NPSR1: variants seen among roughly 807,000 people sequenced by gnomAD.
NPSR1 encodes the protein neuropeptide S receptor 1.
NPSR1 carries 48 observed loss-of-function variants against 46.9 expected under a neutral mutation model. That is an observed-to-expected ratio of 1.02 (90% CI 0.81 to 1.30). The LOEUF (loss-of-function observed/expected upper bound fraction) is 1.30. Ranked by LOEUF, NPSR1 falls within the 50% of genes most tolerant of loss-of-function variation. The pLI is 0.00. For missense variants in NPSR1, 450 were observed against 449.5 expected, an observed-to-expected ratio of 1.00 and a Z score of -0.01; for synonymous variants, 176 against 168.1, an observed-to-expected ratio of 1.05 and a Z score of -0.36.
At chr7:34,697,321 C>G (rs981737341) in intron 2 of NPSR1, among the ~76,000 whole-genome samples, 17 of 151,886 alleles carry the variant, frequency 1.1e-4, no homozygotes, top group Admixed American at 1.1e-3. Context: ...ATTTTAATGT[C>G]AAGGAGGTGT....
rs1584119711 is a variant in NPSR1 at position 34,834,096 on chromosome 7, T to C, written c.681-288T>C. The C allele has an allele frequency of 9.6e-6, 4 of 414,812 alleles. No homozygotes were observed. The East Asian group carries it at 1.7e-4, about 17-fold the overall frequency. 25.7% of individuals were successfully genotyped at this position (414,812 alleles called of 1,614,324 possible). ...TTTTTCTGACTCTAAGGCCTGTTTT[T>C]GGATTCTAATCACAGCTCTCCCTCA... On this transcript the variant is annotated intron_variant, in intron 5 of 8. Transcript: ENST00000360581.
At chr7:34,714,564 A>G (rs1261845114) in intron 2 of NPSR1, among the ~76,000 whole-genome samples, 1 of 152,232 alleles carries the variant, frequency 6.6e-6, no homozygotes, top group East Asian at 1.9e-4. Flanking sequence ...GAGCATCTAC[A>G]AAGCTCCCTC....
chr7:34,737,733 T>C (rs1583912092), intron 2 of NPSR1, among the ~76,000 whole-genome samples: 1 of 152,204 alleles, frequency 6.6e-6, no homozygotes, highest in South Asian at 2.1e-4. Context: ...CCTTCTCTTA[T>C]TTCTGACTTT....
At chr7:34,819,998 C>T (rs1789475951) in intron 4 of NPSR1, among the ~76,000 whole-genome samples, 1 of 152,090 alleles carries the variant, frequency 6.6e-6, no homozygotes, top group Admixed American at 6.6e-5. Context: ...TGCAGCAAAC[C>T]AACATGGCAC....
At chr7:34,732,483 C>G (rs1195487063) in intron 2 of NPSR1, among the ~76,000 whole-genome samples, 1 of 152,136 alleles carries the variant, frequency 6.6e-6, no homozygotes, top group Non-Finnish European at 1.5e-5. Context: ...ATTTGTTTAG[C>G]TGCTTAGGAA....
chr7:34,835,906 A>C (rs1790344415), intron 6 of NPSR1, among the ~76,000 whole-genome samples: 1 of 152,190 alleles, frequency 6.6e-6, no homozygotes, highest in African/African-American at 2.4e-5. Flanking sequence ...GATTCACTCC[A>C]TCTGGAGTGG....
chr7:34,868,162 G>C (rs1202802836), intron 8 of NPSR1, among the ~76,000 whole-genome samples: 1 of 151,684 alleles, frequency 6.6e-6, no homozygotes, highest in African/African-American at 2.4e-5. Flanking sequence ...AAGTCAGCTG[G>C]TTTCAAAGCC....
At chr7:34,681,846 C>T (rs537804071) in intron 1 of NPSR1, among the ~76,000 whole-genome samples, 1 of 152,038 alleles carries the variant, frequency 6.6e-6, no homozygotes, top group South Asian at 2.1e-4. Context: ...AGTAATTCAC[C>T]TTTAGGGATT....
intron 3 of NPSR1, among the ~76,000 whole-genome samples, chr7:34,783,231 GC>G (rs547061747): frequency 4.6e-5 from 7 of 152,158 alleles, no homozygotes; most frequent in South Asian, 2.1e-4. Flanking sequence ...AAGGGAAAGA[GC>G]TTTAGTTGAC....
At chr7:34,694,190 A>C (rs1183134740) in intron 2 of NPSR1, among the ~76,000 whole-genome samples, 1 of 152,158 alleles carries the variant, frequency 6.6e-6, no homozygotes, top group Non-Finnish European at 1.5e-5. Context: ...AATCCACACT[A>C]GAAAAAAAAG....
chr7:34,802,133 A>T (rs905275856), intron 3 of NPSR1, among the ~76,000 whole-genome samples: 5 of 150,438 alleles, frequency 3.3e-5, no homozygotes, highest in Non-Finnish European at 7.3e-5. Context: ...GAAAATGCCC[A>T]TACTGCCCAA....
chr7:34,876,903 C>T (rs1376022327), intron 8 of NPSR1, among the ~76,000 whole-genome samples: 1 of 152,194 alleles, frequency 6.6e-6, no homozygotes. Context: ...AGGACTCCAG[C>T]AGTGAGGGTC....
At chr7:34,785,738 A>G (rs1484132786) in intron 3 of NPSR1, among the ~76,000 whole-genome samples, 1 of 152,166 alleles carries the variant, frequency 6.6e-6, no homozygotes, top group African/African-American at 2.4e-5. Flanking sequence ...ATGCCTAAAT[A>G]AAGCAAATTT....
intron 4 of NPSR1, among the ~76,000 whole-genome samples, chr7:34,819,948 C>T (rs530455355): frequency 6.6e-6 from 1 of 152,122 alleles, no homozygotes; most frequent in African/African-American, 2.4e-5. Flanking sequence ...GGAGGGATAG[C>T]GTTAGCAGAA....
intron 2 of NPSR1, among the ~76,000 whole-genome samples, chr7:34,756,239 G>T (rs1315123953): frequency 6.6e-6 from 1 of 152,192 alleles, no homozygotes; most frequent in Non-Finnish European, 1.5e-5. Context: ...AAGAGAGTGA[G>T]ATTGGATTTT....
chr7:34,730,714 C>T (rs1784381380), intron 2 of NPSR1, among the ~76,000 whole-genome samples: 1 of 152,162 alleles, frequency 6.6e-6, no homozygotes, highest in Non-Finnish European at 1.5e-5. Flanking sequence ...AAGCTCCTCC[C>T]TCTTCATTTT....
chr7:34,776,320 G>C (rs1040615033), intron 2 of NPSR1, among the ~76,000 whole-genome samples: 1 of 152,104 alleles, frequency 6.6e-6, no homozygotes, highest in African/African-American at 2.4e-5. Flanking sequence ...AGCTATTATT[G>C]TATGGGGTCT....
intron 4 of NPSR1, among the ~76,000 whole-genome samples, chr7:34,813,913 T>C (rs1238687517): frequency 1.3e-5 from 2 of 152,230 alleles, no homozygotes; most frequent in Admixed American, 1.3e-4. Context: ...TACTAAATTG[T>C]ATACTTAAGA....
At chr7:34,693,978 A>T (rs191691686) in intron 2 of NPSR1, among the ~76,000 whole-genome samples, 1 of 152,288 alleles carries the variant, frequency 6.6e-6, no homozygotes, top group African/African-American at 2.4e-5. Flanking sequence ...ACCCTCAACA[A>T]ATTAGGCATC....
Sources: gnomAD v4.1 joint callset for allele counts (sites outside exome capture counted in the v4.1 genomes callset) on GRCh38, gnomAD v4.1.1 for gene constraint, MANE v1.5 for transcripts, NCBI Gene and HGNC (gene_info 2026-07-23, HGNC 2026-07-21) for gene names.